DAPK2: variants seen among roughly 807,000 people sequenced by gnomAD.
The protein encoded by DAPK2 is death associated protein kinase 2.
Under a neutral mutation model 44.1 loss-of-function variants are expected in DAPK2, and 35 were observed. The observed-to-expected ratio is 0.79, with a 90% CI of 0.61 to 1.05. DAPK2 has a LOEUF of 1.05. Among genes scored for constraint, DAPK2 ranks in the 50% least tolerant of loss-of-function variants. DAPK2 has a pLI of 0.00. For missense variants in DAPK2, 453 were observed against 483.2 expected (o/e 0.94, Z 0.59); for synonymous variants, 174 against 182.6 (o/e 0.95, Z 0.38).
At chr15:63,996,749 G>GA (rs1469310400) in intron 1 of DAPK2, among the ~76,000 whole-genome samples, 1 of 152,202 alleles carries the variant, frequency 6.6e-6, no homozygotes, top group Non-Finnish European at 1.5e-5. Context: ...CGGCTAAAGG[G>GA]AGTCCCAAAG....
At chr15:63,931,144 G>T (rs2079541796) in intron 4 of DAPK2, among the ~76,000 whole-genome samples, 1 of 152,152 alleles carries the variant, frequency 6.6e-6, no homozygotes, top group East Asian at 1.9e-4. Flanking sequence ...TAGCAAGAAG[G>T]CACCATCTAT....
chr15:63,916,263 G>A lies in DAPK2; in HGVS notation c.859-4066C>T, dbSNP rs1194210699. The A allele has an allele frequency of 6.6e-6, 1 of 152,538 alleles. No homozygotes were observed. The highest frequency in any genetic ancestry group is 1.5e-5 in the Non-Finnish European group (1 of 68,358). The allele number at this position is 152,538 out of a possible 1,614,324, so 9.4% of individuals were successfully genotyped here. On this transcript the variant is annotated intron_variant, in intron 8 of 10. Coordinates refer to ENST00000261891, the Ensembl canonical transcript of DAPK2. This position sits in a 1 kb window ranked among gnomAD's most constrained non-coding sequence, Gnocchi z 4.7. ...GCAGGAAGCAGCAGCCGCTGCTAAG[G>A]CATGAAAAAGGAATCCTGGCTTTAC... is the stretch of plus-strand genomic sequence containing the variant.
upstream of DAPK2, chr15:64,040,383 A>C (rs759876144): frequency 4.2e-5 from 32 of 765,188 alleles, no homozygotes; most frequent in Non-Finnish European, 6.4e-5. Context: ...AATAATCCAC[A>C]GCCTTGGTTC....
intron 3 of DAPK2, among the ~76,000 whole-genome samples, chr15:63,953,405 A>C (rs1347062857): frequency 6.6e-6 from 1 of 152,164 alleles, no homozygotes; most frequent in African/African-American, 2.4e-5. Context: ...ATTTCACTTA[A>C]CATAATGACC....
At chr15:63,954,535 GTTTTGGT>G (rs1202837480) in intron 3 of DAPK2, among the ~76,000 whole-genome samples, 1 of 152,124 alleles carries the variant, frequency 6.6e-6, no homozygotes, top group Non-Finnish European at 1.5e-5. Flanking sequence ...GTACAATGCT[GTTTTGGT>G]TACTATATAG....
chr15:63,997,326 A>T (rs1381865861), intron 1 of DAPK2, among the ~76,000 whole-genome samples: 1 of 152,094 alleles, frequency 6.6e-6, no homozygotes, highest in African/African-American at 2.4e-5. Context: ...CCCAGCTGCA[A>T]TTTATTTTAT....
intron 3 of DAPK2, among the ~76,000 whole-genome samples, chr15:63,959,581 T>C (rs1235225342): frequency 1.3e-5 from 2 of 152,254 alleles, no homozygotes. Flanking sequence ...TTGAATTTTG[T>C]TGAGGGCCTT....
At chr15:63,967,563 CACCT>C (rs2078089926) in intron 3 of DAPK2, among the ~76,000 whole-genome samples, 5 of 151,792 alleles carry the variant, frequency 3.3e-5, no homozygotes, top group African/African-American at 4.8e-5. Context: ...TGGTGGCAGG[CACCT>C]GTAATCCCAG....
intron 1 of DAPK2, among the ~76,000 whole-genome samples, chr15:64,025,516 C>T (rs1265364042): frequency 6.6e-6 from 1 of 152,208 alleles, no homozygotes; most frequent in East Asian, 1.9e-4. Flanking sequence ...GCTGCATCCT[C>T]CTTTCCCAAC....
chr15:63,907,052 A>C (rs1326628022), exon 11 of DAPK2: 1 of 152,118 alleles, frequency 6.6e-6, no homozygotes, highest in Non-Finnish European at 1.5e-5. Context: ...AAAAGACAGA[A>C]GTTTATTTTC....
At chr15:63,954,647 C>T (rs1241439969) in intron 3 of DAPK2, among the ~76,000 whole-genome samples, 2 of 152,046 alleles carry the variant, frequency 1.3e-5, no homozygotes, top group Non-Finnish European at 2.9e-5. Flanking sequence ...TTTTGTGGTT[C>T]CATATACATT....
intron 4 of DAPK2, chr15:63,936,057 CT>C (rs2077137434): frequency 6.6e-6 from 1 of 152,100 alleles, no homozygotes; most frequent in African/African-American, 2.4e-5. Context: ...ATAAAATGTA[CT>C]TTAATATTTA....
upstream of DAPK2, among the ~76,000 whole-genome samples, chr15:64,042,536 A>T (rs1048925873): frequency 6.6e-6 from 1 of 152,170 alleles, no homozygotes; most frequent in African/African-American, 2.4e-5. The surrounding 1 kb of genome is among the most constrained non-coding windows in gnomAD (Gnocchi z 4.7). Context: ...ATTTGCTGAG[A>T]GCAGGATTCA....
intron 1 of DAPK2, among the ~76,000 whole-genome samples, chr15:64,004,292 G>A (rs1466612763): frequency 1.3e-5 from 2 of 152,150 alleles, no homozygotes; most frequent in African/African-American, 4.8e-5. Context: ...CTAGAGGCTT[G>A]ATCAGATTCA....
At chr15:64,036,183 C>T (rs2080176063) in intron 1 of DAPK2, among the ~76,000 whole-genome samples, 1 of 150,034 alleles carries the variant, frequency 6.7e-6, no homozygotes, top group Non-Finnish European at 1.5e-5. Flanking sequence ...ATAGCTTGAA[C>T]CTGGGAGATG....
chr15:63,925,942 G>A lies in DAPK2; in HGVS notation c.811C>T (p.Arg271Trp), dbSNP rs34270163. ...CCAGTGGCTTCTCTGTCCTCTTACCGGGTCTCTTTAACCAGAAGCTTCCGA... is the reference window on the plus strand; with the variant it reads ...CCAGTGGCTTCTCTGTCCTCTTACCAGGTCTCTTTAACCAGAAGCTTCCGA... The change falls in exon 7 of 11, where the codon CGG (arginine) becomes TGG (tryptophan). Residue 271 changes from arginine to tryptophan, a missense_variant and splice_region_variant. Transcript: ENST00000261891. The A allele has an allele frequency of 4.6e-5, 75 of 1,614,060 alleles. No homozygotes were observed. In the Middle Eastern group the frequency reaches 5.0e-4, roughly 11 times the overall value.
chr15:64,044,610 C>A (rs2080418570), upstream of DAPK2, among the ~76,000 whole-genome samples: 1 of 152,180 alleles, frequency 6.6e-6, no homozygotes. Context: ...TTGATAGCCA[C>A]CCCAACTCCT....
chr15:64,014,907 G>A, intron 1 of DAPK2, among the ~76,000 whole-genome samples: 1 of 142,862 alleles, frequency 7.0e-6, no homozygotes, highest in Non-Finnish European at 1.5e-5. Context: ...TAGCCTGGGT[G>A]AAAGAGCGAG....
Position 63,983,527 on chromosome 15 carries a change from A to T in DAPK2, c.314+6T>A. ...CAACCCTGTGGGTCCTGGGGACCCCACTCACAGCTCAAGGATGAGCACCAC... is the reference window on the plus strand; with the variant it reads ...CAACCCTGTGGGTCCTGGGGACCCCTCTCACAGCTCAAGGATGAGCACCAC... On this transcript the variant is annotated splice_donor_region_variant and intron_variant, in intron 2 of 10. Coordinates refer to ENST00000261891, the Ensembl canonical transcript of DAPK2. 1 of 1,612,896 alleles carries T rather than the reference A, an allele frequency of 6.2e-7. No homozygotes were observed. The highest frequency in any genetic ancestry group is 1.7e-5 in the Admixed American group (1 of 60,016).
Sources: allele counts gnomAD v4.1 joint callset (sites outside exome capture counted in the v4.1 genomes callset), GRCh38; gene constraint gnomAD v4.1.1; non-coding constraint Gnocchi (gnomAD v3.1); transcripts MANE v1.5; gene names NCBI Gene and HGNC (gene_info 2026-07-23, HGNC 2026-07-21).